The following DNAJC6 variants were observed in gnomAD, a reference collection of about 807,000 sequenced individuals.
The protein encoded by DNAJC6 is DnaJ heat shock protein family (Hsp40) member C6, also known as auxilin.
In DNAJC6, 34 loss-of-function variants were observed where a neutral mutation model predicts 110.0. The ratio of observed to expected loss-of-function variants is 0.31; its 90% confidence interval spans 0.24 to 0.41. The LOEUF is 0.41. Ranked by LOEUF, DNAJC6 falls within the 10% of genes least tolerant of loss-of-function variation. The pLI is 1.00. For synonymous variants in DNAJC6, 406 were observed against 437.2 expected (o/e 0.93, Z 0.89); for missense variants, 1,031 against 1,207.8 (o/e 0.85, Z 2.17).
intron 1 of DNAJC6, among the ~76,000 whole-genome samples, chr1:65,317,968 T>C (rs969578935): frequency 2.6e-5 from 4 of 152,208 alleles, no homozygotes; most frequent in African/African-American, 9.6e-5. Context: ...GGCATCATAG[T>C]GCATGGTATG....
chr1:65,386,036 A>G, intron 7 of DNAJC6, 130 bp downstream of exon 7: 1 of 970,442 alleles, frequency 1.0e-6, no homozygotes. Context: ...AAAAATGTTC[A>G]ACATCAGTGG....
At chr1:65,330,309 A>G (rs1645275954) in intron 1 of DNAJC6, among the ~76,000 whole-genome samples, 1 of 152,166 alleles carries the variant, frequency 6.6e-6, no homozygotes, top group African/African-American at 2.4e-5. Context: ...AGATGCCACT[A>G]TGTACCAGGA....
At chr1:65,411,569 C>A (rs1449101843) in intron 18 of DNAJC6, 143 bp downstream of exon 18, 1 of 746,044 alleles carries the variant, frequency 1.3e-6, no homozygotes, top group Non-Finnish European at 2.1e-6. Context: ...GATATTTAAA[C>A]AAATAGTTAT....
At chr1:65,326,006 A>T (rs1165100199) in intron 1 of DNAJC6, among the ~76,000 whole-genome samples, 5 of 152,254 alleles carry the variant, frequency 3.3e-5, no homozygotes, top group Non-Finnish European at 5.9e-5. Context: ...TTCAGCTGTT[A>T]TTATCCTATG....
At chr1:65,294,454 A>G (rs1341044672) in intron 1 of DNAJC6, among the ~76,000 whole-genome samples, 3 of 152,238 alleles carry the variant, frequency 2.0e-5, no homozygotes, top group Admixed American at 6.5e-5. Flanking sequence ...TATCATCTGT[A>G]ATTACAAAAG....
chr1:65,301,323 T>G (rs961603784), intron 1 of DNAJC6, among the ~76,000 whole-genome samples: 20 of 150,674 alleles, frequency 1.3e-4, no homozygotes, highest in African/African-American at 4.4e-4. Context: ...AAATGGGCAC[T>G]TCCCCCCCCA....
At chr1:65,270,455 C>A (rs1653467141) in intron 1 of DNAJC6, among the ~76,000 whole-genome samples, 1 of 151,998 alleles carries the variant, frequency 6.6e-6, no homozygotes, top group African/African-American at 2.4e-5. Context: ...ATAATTTGAA[C>A]CAACATTAAA....
intron 1 of DNAJC6, among the ~76,000 whole-genome samples, chr1:65,269,645 C>T (rs1264585085): frequency 6.6e-6 from 1 of 152,132 alleles, no homozygotes; most frequent in Non-Finnish European, 1.5e-5. Flanking sequence ...CTGCATGTGA[C>T]TGGGTGAGTT....
chr1:65,376,047 T>C (rs1189155304), intron 4 of DNAJC6, among the ~76,000 whole-genome samples: 6 of 152,240 alleles, frequency 3.9e-5, no homozygotes, highest in African/African-American at 1.4e-4. Context: ...AGAATTTTTA[T>C]ACAGCCTCAA....
intron 1 of DNAJC6, among the ~76,000 whole-genome samples, chr1:65,317,253 T>G (rs1464685791): frequency 6.6e-6 from 1 of 152,240 alleles, no homozygotes; most frequent in Non-Finnish European, 1.5e-5. Context: ...GGTGTAACTC[T>G]GAAAAAACTA....
chr1:65,365,944 T>C lies in DNAJC6; in HGVS notation c.394+10T>C. 1 of 1,613,640 alleles carries C rather than the reference T, an allele frequency of 6.2e-7. No homozygotes were observed. Among genetic ancestry groups the C allele is most frequent in the East Asian group, 2.2e-5 (1 of 44,880 alleles). On this transcript the variant is annotated intron_variant, in intron 3 of 18. Coordinates refer to ENST00000371069, the MANE Select transcript of DNAJC6 (RefSeq NM_001256864.2). ...ACCTCCAGAATTATTGGTAAGTTTC[T>C]CATGTTTATTAACAGTCCTTTGGCT...
chr1:65,368,866 C>T (rs1363701877), intron 4 of DNAJC6, among the ~76,000 whole-genome samples: 3 of 151,302 alleles, frequency 2.0e-5, no homozygotes, highest in Middle Eastern at 3.4e-3. Context: ...CCTTCGCCTC[C>T]TGGGTTCTGA....
intron 4 of DNAJC6, among the ~76,000 whole-genome samples, chr1:65,378,877 G>A (rs1033874988): frequency 2.0e-5 from 3 of 152,166 alleles, no homozygotes; most frequent in South Asian, 4.1e-4. Flanking sequence ...AAAAAAATAT[G>A]CATGTTAAAT....
intron 1 of DNAJC6, among the ~76,000 whole-genome samples, chr1:65,291,632 T>G (rs1044398147): frequency 3.9e-5 from 6 of 152,044 alleles, no homozygotes; most frequent in Non-Finnish European, 7.4e-5. Context: ...AAAATCCAGG[T>G]TTTACTGGGT....
chr1:65,322,577 T>C (rs986659771), intron 1 of DNAJC6, among the ~76,000 whole-genome samples: 4 of 152,206 alleles, frequency 2.6e-5, no homozygotes, highest in Non-Finnish European at 4.4e-5. Flanking sequence ...TTTGAGCATA[T>C]ATTTTTATAT....
At chr1:65,303,401 T>C (rs768753887) in intron 1 of DNAJC6, among the ~76,000 whole-genome samples, 30 of 152,212 alleles carry the variant, frequency 2.0e-4, no homozygotes, top group Non-Finnish European at 3.7e-4. Flanking sequence ...ATTTAAGAAA[T>C]CTTGGGGTAT....
chr1:65,307,638 T>C (rs1366349567), upstream of DNAJC6, among the ~76,000 whole-genome samples: 34 of 152,292 alleles, frequency 2.2e-4, no homozygotes, highest in Admixed American at 2.1e-3. Flanking sequence ...TGATGAACAC[T>C]AGGTATTTAC....
At chr1:65,398,765 GGT>G (rs1333584622) in intron 13 of DNAJC6, 46 bp from the exon 14 acceptor site, 1 of 1,596,936 alleles carries the variant, frequency 6.3e-7, no homozygotes, top group Non-Finnish European at 8.6e-7. Context: ...CAGAAAAGTG[GGT>G]TCTGAGCTCT....
chr1:65,307,018 C>CTATATATA (rs71056097), upstream of DNAJC6, among the ~76,000 whole-genome samples: 64 of 70,648 alleles, frequency 9.1e-4, no homozygotes, highest in African/African-American at 1.9e-3. Flanking sequence ...CTCTCTCTCT[C>CTATATATA]TATATATATA....
Sources: allele counts gnomAD v4.1 joint callset (sites outside exome capture counted in the v4.1 genomes callset), GRCh38; gene constraint gnomAD v4.1.1; transcripts MANE v1.5; gene names NCBI Gene and HGNC (gene_info 2026-07-23, HGNC 2026-07-21).